Variants in GNB4 observed in about 807,000 individuals in gnomAD.
GNB4 encodes guanine nucleotide-binding protein subunit beta-4.
In GNB4, 28 loss-of-function variants were observed where a neutral mutation model predicts 45.2. The ratio of observed to expected loss-of-function variants is 0.62; its 90% CI spans 0.46 to 0.85. The LOEUF (loss-of-function observed/expected upper bound fraction) is 0.85, where lower values mean the gene tolerates loss of function less well. GNB4 is among the 40% of genes least tolerant of loss of function. The probability of loss-of-function intolerance (pLI) is 0.00; values close to 1 mark genes in which losing one functional copy is unlikely to be tolerated. For synonymous variants in GNB4, 132 were observed against 143.7 expected (o/e 0.92, Z 0.58); for missense variants, 321 against 425.4 (o/e 0.75, Z 2.16).
the GNB4 span, among the ~76,000 whole-genome samples, chr3:179,490,664 C>G: frequency 6.6e-6 from 1 of 152,050 alleles, no homozygotes; most frequent in East Asian, 1.9e-4. Flanking sequence ...AGAGTGTATC[C>G]CGGTTCTGAG....
chr3:179,440,412 G>A (rs1310253693), intron 1 of GNB4, among the ~76,000 whole-genome samples: 1 of 152,144 alleles, frequency 6.6e-6, no homozygotes, highest in Admixed American at 6.5e-5. Flanking sequence ...CTTTGTTAAA[G>A]TAGCAAAGTA....
chr3:179,522,737 A>G, the GNB4 span, among the ~76,000 whole-genome samples: 1 of 152,136 alleles, frequency 6.6e-6, no homozygotes, highest in East Asian at 1.9e-4. Flanking sequence ...AAATATGGGG[A>G]AATGGAGTGA....
intron 1 of GNB4, among the ~76,000 whole-genome samples, chr3:179,427,792 A>C (rs1274087388): frequency 1.3e-5 from 2 of 152,166 alleles, no homozygotes; most frequent in African/African-American, 4.8e-5. Flanking sequence ...ACCAAAAGAC[A>C]GGAATATTAC....
At chr3:179,404,161 A>C (rs1714393160) in intron 9 of GNB4, among the ~76,000 whole-genome samples, 1 of 152,238 alleles carries the variant, frequency 6.6e-6, no homozygotes, top group Non-Finnish European at 1.5e-5. Flanking sequence ...AAAAAGCTGC[A>C]TGGCAAAAGA....
chr3:179,509,368 A>C, the GNB4 span, among the ~76,000 whole-genome samples: 1 of 152,146 alleles, frequency 6.6e-6, no homozygotes. Context: ...GTGAAATAAC[A>C]CTACGAAATA....
chr3:179,474,514 G>A, the GNB4 span, among the ~76,000 whole-genome samples: 1 of 152,086 alleles, frequency 6.6e-6, no homozygotes, highest in Non-Finnish European at 1.5e-5. Context: ...AAGAGCCACT[G>A]CACCCAGCCA....
At chr3:179,433,544 G>A (rs1157905189) in intron 1 of GNB4, among the ~76,000 whole-genome samples, 1 of 151,668 alleles carries the variant, frequency 6.6e-6, no homozygotes, top group Non-Finnish European at 1.5e-5. Context: ...ATTTGAAGCT[G>A]CAGTAAGCTA....
chr3:179,401,966 T>C (rs1451615279), intron 9 of GNB4, among the ~76,000 whole-genome samples: 1 of 151,916 alleles, frequency 6.6e-6, no homozygotes, highest in East Asian at 1.9e-4. Flanking sequence ...GTAAGATTAA[T>C]AAGAAAAATT....
intron 6 of GNB4, 131 bp from the exon 7 acceptor site, chr3:179,413,912 TCTA>T (rs1266762151): frequency 1.4e-6 from 1 of 694,814 alleles, no homozygotes; most frequent in Non-Finnish European, 2.4e-6. Flanking sequence ...AGTCTATAGT[TCTA>T]CTTTTAGTTA....
At chr3:179,415,177 T>A in intron 5 of GNB4, 130 bp from the exon 6 acceptor site, 1 of 630,618 alleles carries the variant, frequency 1.6e-6, no homozygotes, top group Non-Finnish European at 2.4e-6. Flanking sequence ...TAAAATAATG[T>A]AATGGCTTGA....
rs543341587 is a variant in GNB4, at chr3:179,436,735, G to A, written c.-42-10493C>T. On this transcript the variant is annotated intron_variant, in intron 1 of 9. Coordinates refer to ENST00000232564, the MANE Select transcript of GNB4 (RefSeq NM_021629.4). Reference sequence around the variant, plus strand: ...CTGCATGGGGCAAGTGGATAAGAGAGGAAAACAGAAGTTGCAGATGCTGAA... The same window carrying A: ...CTGCATGGGGCAAGTGGATAAGAGAAGAAAACAGAAGTTGCAGATGCTGAA... 1.6e-4 allele frequency among the ~76,000 whole-genome samples: 25 copies of A among 152,238 alleles called. No individual in the cohort carries two copies. In the South Asian group the frequency reaches 5.2e-3, roughly 32 times the overall value.
rs1257201943 is a variant in GNB4, at chr3:179,399,727, TAA to T, written c.*1484_*1485del. Reference sequence around the variant, plus strand: ...AGGTAAAGTTTGGGAGTATTTAGGTTAAGTTACACATGTTCAAAAGTTAACAC... The same window carrying T: ...AGGTAAAGTTTGGGAGTATTTAGGTTGTTACACATGTTCAAAAGTTAACAC... On this transcript the variant is annotated 3_prime_UTR_variant, in exon 10 of 10. Transcript: ENST00000232564. The T allele has an allele frequency of 1.3e-5, 2 of 152,214 alleles. No homozygotes were observed. Among genetic ancestry groups the T allele is most frequent in the African/African-American group, 2.4e-5 (1 of 41,458 alleles). The allele number at this position is 152,214 out of a possible 1,614,324, so 9.4% of individuals were successfully genotyped here.
At position 179,423,017 on chromosome 3, in the gene GNB4, T is replaced by C. The variant is rs528348162; in HGVS notation, c.58-2090A>G. Among the ~76,000 whole-genome samples the C allele has an allele frequency of 5.0e-3, 763 of 152,230 alleles. 6 individuals carry two copies. Among genetic ancestry groups the C allele is most frequent in the African/African-American group, 0.018 (732 of 41,548 alleles). ...CATGTTAGCCAGGATGGTTTCGATC[T>C]CCTGACCTCGTGATCCACCCGCCTC... On this transcript the variant is annotated intron_variant, in intron 2 of 9. Transcript: ENST00000232564.
chr3:179,464,655 A>G, the GNB4 span: 17,220 of 1,112,762 alleles, frequency 0.015, 397 homozygotes, highest in African/African-American at 0.066. Flanking sequence ...GACAATTGTG[A>G]AACCAGCTTC....
chr3:179,438,397 T>C (rs921942382), intron 1 of GNB4, among the ~76,000 whole-genome samples: 1 of 152,352 alleles, frequency 6.6e-6, no homozygotes, highest in East Asian at 1.9e-4. Flanking sequence ...ATCTGTGCAG[T>C]GGGGATCTCT....
chr3:179,513,505 T>C, the GNB4 span, among the ~76,000 whole-genome samples: 1 of 152,128 alleles, frequency 6.6e-6, no homozygotes, highest in South Asian at 2.1e-4. Context: ...TTTTTAAGTT[T>C]TCATTTTTAT....
At chr3:179,423,736 G>A (rs1199192676) in intron 2 of GNB4, among the ~76,000 whole-genome samples, 3 of 151,234 alleles carry the variant, frequency 2.0e-5, no homozygotes, top group African/African-American at 4.9e-5. Flanking sequence ...AGAAGAGATC[G>A]CACCACTGCA....
intron 1 of GNB4, among the ~76,000 whole-genome samples, chr3:179,439,684 T>C (rs1715549917): frequency 1.3e-5 from 2 of 151,786 alleles, no homozygotes; most frequent in Admixed American, 1.3e-4. Flanking sequence ...TTGTCTATGT[T>C]GTCTTATGTA....
chr3:179,435,799 A>C (rs1001349320), intron 1 of GNB4, among the ~76,000 whole-genome samples: 2 of 152,224 alleles, frequency 1.3e-5, no homozygotes, highest in African/African-American at 4.8e-5. Context: ...GTTCAGCTGT[A>C]CCAGTTACAA....
Sources: gnomAD v4.1 joint callset for allele counts (sites outside exome capture counted in the v4.1 genomes callset) on GRCh38, gnomAD v4.1.1 for gene constraint, MANE v1.5 for transcripts, NCBI Gene and HGNC (gene_info 2026-07-23, HGNC 2026-07-21) for gene names.